FAM135B: variants seen among roughly 807,000 people sequenced by gnomAD.
FAM135B encodes protein FAM135B.
In FAM135B, 43 loss-of-function variants were observed where a neutral mutation model predicts 127.7. The observed-to-expected ratio is 0.34, with a 90% CI of 0.26 to 0.43. The LOEUF (loss-of-function observed/expected upper bound fraction) is 0.43. Ranked by LOEUF, FAM135B falls within the 20% of genes least tolerant of loss-of-function variation. The pLI, the probability that FAM135B is intolerant of heterozygous loss-of-function variation, is 1.00. For missense variants in FAM135B, 1,558 were observed against 1,725.6 expected (o/e 0.90, Z 1.72); for synonymous variants, 670 against 665.1 (o/e 1.01, Z -0.11).
At chr8:138,135,968 T>C (rs1478790605) in intron 19 of FAM135B, among the ~76,000 whole-genome samples, 1 of 151,934 alleles carries the variant, frequency 6.6e-6, no homozygotes, top group African/African-American at 2.4e-5. Context: ...ACACGAAAAG[T>C]AGGTAGTGAT....
At chr8:138,174,335 G>A (rs1421616357) in intron 11 of FAM135B, among the ~76,000 whole-genome samples, 2 of 152,174 alleles carry the variant, frequency 1.3e-5, no homozygotes, top group South Asian at 2.1e-4. Flanking sequence ...GCTGCCTTAT[G>A]TAAGCCGCAT....
At chr8:138,258,400 T>C (rs1263136108) in intron 4 of FAM135B, among the ~76,000 whole-genome samples, 1 of 152,188 alleles carries the variant, frequency 6.6e-6, no homozygotes, top group Non-Finnish European at 1.5e-5. Context: ...AAAGTTAACA[T>C]TTTGCTGAAT....
chr8:138,196,799 C>T (rs1205778988), intron 8 of FAM135B, among the ~76,000 whole-genome samples: 1 of 152,166 alleles, frequency 6.6e-6, no homozygotes, highest in Non-Finnish European at 1.5e-5. Context: ...CTGAGTGGGA[C>T]ATGACACAAA....
chr8:138,477,845 C>T (rs763981228), intron 1 of FAM135B, among the ~76,000 whole-genome samples: 29 of 152,260 alleles, frequency 1.9e-4, no homozygotes, highest in Non-Finnish European at 2.4e-4. Flanking sequence ...GCCCTTCACC[C>T]TTCCTGCTTC....
chr8:138,279,382 T>C (rs965201591), intron 3 of FAM135B, among the ~76,000 whole-genome samples: 3 of 152,178 alleles, frequency 2.0e-5, no homozygotes, highest in African/African-American at 7.2e-5. Context: ...AAGAGGCACA[T>C]AATTAGTCTT....
chr8:138,487,339 C>A (rs936162303), intron 1 of FAM135B, among the ~76,000 whole-genome samples: 8 of 152,102 alleles, frequency 5.3e-5, no homozygotes, highest in Admixed American at 5.2e-4. Flanking sequence ...TCCCGCCAGC[C>A]CCCATGGGAC....
intron 1 of FAM135B, among the ~76,000 whole-genome samples, chr8:138,433,660 T>C (rs894621549): frequency 6.6e-6 from 1 of 152,182 alleles, no homozygotes; most frequent in Non-Finnish European, 1.5e-5. Context: ...GAAGCTCACA[T>C]GGTGAGATGA....
At chr8:138,352,496 C>T (rs781770368) in intron 2 of FAM135B, among the ~76,000 whole-genome samples, 3 of 152,180 alleles carry the variant, frequency 2.0e-5, no homozygotes, top group Admixed American at 1.3e-4. Context: ...GTAAACAAAA[C>T]TTGGCTGATG....
chr8:138,240,788 C>T (rs1820700275), intron 7 of FAM135B, among the ~76,000 whole-genome samples: 1 of 152,170 alleles, frequency 6.6e-6, no homozygotes, highest in Non-Finnish European at 1.5e-5. Context: ...CAGAGTCCCT[C>T]AGGACAGAAA....
At chr8:138,308,726 C>T (rs998179857) in intron 3 of FAM135B, among the ~76,000 whole-genome samples, 5 of 152,178 alleles carry the variant, frequency 3.3e-5, no homozygotes, top group East Asian at 1.9e-4. Flanking sequence ...GAGCATCCTG[C>T]AGCCCTCTGG....
At chr8:138,353,946 TCTC>T (rs1297807361) in intron 2 of FAM135B, among the ~76,000 whole-genome samples, 1 of 152,030 alleles carries the variant, frequency 6.6e-6, no homozygotes, top group Non-Finnish European at 1.5e-5. Context: ...TTGATCCTCT[TCTC>T]CTTCAGCTTT....
At chr8:138,275,898 C>T (rs1823786171) in intron 3 of FAM135B, among the ~76,000 whole-genome samples, 1 of 152,142 alleles carries the variant, frequency 6.6e-6, no homozygotes, top group Non-Finnish European at 1.5e-5. Context: ...GAATGCATGA[C>T]TGACCAAAGC....
chr8:138,410,504 C>A (rs367676358), intron 1 of FAM135B, among the ~76,000 whole-genome samples: 1 of 152,294 alleles, frequency 6.6e-6, no homozygotes, highest in East Asian at 1.9e-4. Flanking sequence ...GAATCCTACC[C>A]ACAGCAATTT....
chr8:138,483,793 C>A (rs925673170), intron 1 of FAM135B, among the ~76,000 whole-genome samples: 1 of 152,146 alleles, frequency 6.6e-6, no homozygotes, highest in Non-Finnish European at 1.5e-5. Flanking sequence ...GGGTGTCAAT[C>A]CAGTCTCAGT....
intron 1 of FAM135B, among the ~76,000 whole-genome samples, chr8:138,476,479 A>ATTTTTT: frequency 7.1e-6 from 1 of 141,366 alleles, no homozygotes; most frequent in Non-Finnish European, 1.6e-5. Flanking sequence ...GTATCTCTCT[A>ATTTTTT]TTTTTTTTTT....
At chr8:138,279,904 G>A (rs1463468910) in intron 3 of FAM135B, among the ~76,000 whole-genome samples, 1 of 152,182 alleles carries the variant, frequency 6.6e-6, no homozygotes, top group Non-Finnish European at 1.5e-5. Flanking sequence ...GTTGCCAAAT[G>A]AGCACTTGAG....
chr8:138,366,437 C>A (rs1432242296), intron 2 of FAM135B, among the ~76,000 whole-genome samples: 4 of 152,176 alleles, frequency 2.6e-5, no homozygotes, highest in Non-Finnish European at 5.9e-5. Context: ...AATGTGACTT[C>A]TGATCAAATG....
chr8:138,482,243 C>T (rs1258378410), intron 1 of FAM135B, among the ~76,000 whole-genome samples: 3 of 152,160 alleles, frequency 2.0e-5, no homozygotes, highest in Admixed American at 2.0e-4. Flanking sequence ...AGGGTATCTG[C>T]ATGGGGTGAG....
intron 6 of FAM135B, among the ~76,000 whole-genome samples, chr8:138,249,145 G>A (rs1821518698): frequency 6.6e-6 from 1 of 152,156 alleles, no homozygotes; most frequent in Non-Finnish European, 1.5e-5. Context: ...CTCGCAGAGG[G>A]CAGACAGATC....
Sources: allele counts gnomAD v4.1 joint callset (sites outside exome capture counted in the v4.1 genomes callset), GRCh38; gene constraint gnomAD v4.1.1; transcripts MANE v1.5; gene names NCBI Gene and HGNC (gene_info 2026-07-23, HGNC 2026-07-21).